Variants in LMBR1 observed in about 807,000 individuals in gnomAD.
The protein encoded by LMBR1 is limb region 1 protein homolog.
LMBR1 carries 52 observed loss-of-function variants against 73.9 expected under a neutral mutation model. The observed-to-expected ratio is 0.70, with a 90% confidence interval of 0.56 to 0.89. The LOEUF is 0.89. Among genes scored for constraint, LMBR1 ranks in the 40% least tolerant of loss-of-function variants. The pLI is 0.00. For missense variants in LMBR1, 539 were observed against 579.8 expected, an observed-to-expected ratio of 0.93 and a Z score of 0.72; for synonymous variants, 215 against 209.4, an observed-to-expected ratio of 1.03 and a Z score of -0.23.
chr7:156,817,039 A>G (rs1449926908), intron 4 of LMBR1, among the ~76,000 whole-genome samples: 1 of 152,176 alleles, frequency 6.6e-6, no homozygotes, highest in Non-Finnish European at 1.5e-5. Flanking sequence ...CCTATTTGAA[A>G]GATATCCAAT....
chr7:156,830,998 A>G (rs777531669), intron 3 of LMBR1, among the ~76,000 whole-genome samples: 11 of 152,228 alleles, frequency 7.2e-5, no homozygotes, highest in Non-Finnish European at 1.6e-4. Flanking sequence ...ATAATAAACT[A>G]AAGATGATAA....
intron 5 of LMBR1, among the ~76,000 whole-genome samples, chr7:156,780,913 G>T (rs1345788521): frequency 1.3e-5 from 2 of 152,178 alleles, no homozygotes; most frequent in Non-Finnish European, 2.9e-5. Flanking sequence ...ATGAGGAAGT[G>T]GGGGAGAATG....
chr7:156,774,516 G>A (rs1585705736), intron 5 of LMBR1, among the ~76,000 whole-genome samples: 1 of 152,186 alleles, frequency 6.6e-6, no homozygotes, highest in Non-Finnish European at 1.5e-5. Flanking sequence ...TATACACCAT[G>A]GAATACTATG....
downstream of LMBR1, among the ~76,000 whole-genome samples, chr7:156,677,378 TGG>T (rs1483867621): frequency 1.3e-5 from 2 of 152,106 alleles, no homozygotes; most frequent in African/African-American, 4.8e-5. Flanking sequence ...ATGTCAGCCA[TGG>T]GTGAGGCAGG....
intron 1 of LMBR1, among the ~76,000 whole-genome samples, chr7:156,840,407 G>A (rs929527982): frequency 1.1e-4 from 16 of 151,754 alleles, no homozygotes; most frequent in Admixed American, 3.3e-4. Context: ...CTAGAGGAAC[G>A]GGGGAGGATT....
rs1238608811 is a variant in LMBR1, at chr7:156,669,355, CAA to C, written n.867-70_867-69del. On this transcript the variant is annotated intron_variant and non_coding_transcript_variant, in intron 4 of 4. Coordinates refer to the LMBR1 transcript ENST00000430825. This position sits in a 1 kb window ranked among gnomAD's most constrained non-coding sequence, Gnocchi z 4.2. ...AGAATAAGTGCCAGGAAGAAAAATG[CAA>C]AGAGAGGAAGGGGAGAGAGAGTGAA... 17 of 152,064 alleles carry C rather than the reference CAA, an allele frequency of 1.1e-4. No homozygotes were observed. Among genetic ancestry groups the C allele is most frequent in the Admixed American group, 1.1e-3 (17 of 15,270 alleles). The allele number at this position is 152,064 out of a possible 1,614,324, so 9.4% of individuals were successfully genotyped here.
At chr7:156,768,468 A>T (rs987894740) in intron 5 of LMBR1, among the ~76,000 whole-genome samples, 1 of 152,246 alleles carries the variant, frequency 6.6e-6, no homozygotes, top group Non-Finnish European at 1.5e-5. Context: ...TTTTAAAAAT[A>T]AAAAATTCCT....
At chr7:156,699,175 C>CA (rs78005844) in intron 15 of LMBR1, among the ~76,000 whole-genome samples, 13,173 of 152,072 alleles carry the variant, frequency 0.087, 734 homozygotes, top group East Asian at 0.19. Flanking sequence ...CTACAGTAAC[C>CA]AAAACAGCAT....
chr7:156,831,434 C>A (rs891357863), intron 3 of LMBR1, among the ~76,000 whole-genome samples: 1 of 151,952 alleles, frequency 6.6e-6, no homozygotes, highest in African/African-American at 2.4e-5. Context: ...CCCAGATCAC[C>A]CTAACTCATC....
downstream of LMBR1, among the ~76,000 whole-genome samples, chr7:156,676,067 G>A (rs1803925019): frequency 6.6e-6 from 1 of 152,074 alleles, no homozygotes; most frequent in Non-Finnish European, 1.5e-5. Context: ...GTCAGTCCCG[G>A]GGTAACCGCT....
intron 1 of LMBR1, among the ~76,000 whole-genome samples, chr7:156,841,735 G>A (rs1038972881): frequency 6.6e-6 from 1 of 152,154 alleles, no homozygotes; most frequent in African/African-American, 2.4e-5. Flanking sequence ...TATCTTGATG[G>A]AGTAGTGGAG....
intron 4 of LMBR1, among the ~76,000 whole-genome samples, chr7:156,826,322 G>C (rs747862202): frequency 3.9e-5 from 6 of 152,094 alleles, no homozygotes; most frequent in Non-Finnish European, 7.4e-5. Flanking sequence ...TTCTGACATA[G>C]TCAGATAAAC....
At chr7:156,751,007 G>A (rs1242525972) in intron 9 of LMBR1, among the ~76,000 whole-genome samples, 1 of 152,144 alleles carries the variant, frequency 6.6e-6, no homozygotes, top group Non-Finnish European at 1.5e-5. Context: ...CTACTCAAGA[G>A]GCTAAAGGGG....
chr7:156,835,162 C>T (rs1023275220), intron 2 of LMBR1, among the ~76,000 whole-genome samples: 1 of 151,732 alleles, frequency 6.6e-6, no homozygotes, highest in Non-Finnish European at 1.5e-5. Flanking sequence ...AAAAGAATAC[C>T]ACAAACCCTC....
intron 4 of LMBR1, among the ~76,000 whole-genome samples, chr7:156,799,559 C>T (rs1185561094): frequency 7.1e-6 from 1 of 141,218 alleles, no homozygotes; most frequent in Non-Finnish European, 1.6e-5. Flanking sequence ...GCTGTTCCTT[C>T]ATCTCTCTCC....
chr7:156,692,681 G>C (rs963977457), intron 15 of LMBR1, among the ~76,000 whole-genome samples: 1 of 152,110 alleles, frequency 6.6e-6, no homozygotes, highest in African/African-American at 2.4e-5. Flanking sequence ...GCTGAGGAGA[G>C]CTCCAGCCAT....
At chr7:156,701,829 C>T (rs909500163) in intron 15 of LMBR1, among the ~76,000 whole-genome samples, 11 of 152,164 alleles carry the variant, frequency 7.2e-5, no homozygotes, top group African/African-American at 2.4e-4. Flanking sequence ...CTCCCTGTGT[C>T]CATGTATTCT....
At chr7:156,723,914 A>G (rs1815150949) in intron 15 of LMBR1, among the ~76,000 whole-genome samples, 198 bp downstream of exon 15, 2 of 152,330 alleles carry the variant, frequency 1.3e-5, no homozygotes, top group Admixed American at 6.5e-5. Flanking sequence ...TGTTTAAAAA[A>G]TAAGTAGTCA....
At chr7:156,778,925 G>A (rs1020616260) in intron 5 of LMBR1, among the ~76,000 whole-genome samples, 1 of 152,166 alleles carries the variant, frequency 6.6e-6, no homozygotes, top group East Asian at 1.9e-4. Flanking sequence ...AAAGCCCCGA[G>A]GGGAAGCTTC....
Sources: gnomAD v4.1 joint callset for allele counts (sites outside exome capture counted in the v4.1 genomes callset) on GRCh38, gnomAD v4.1.1 for gene constraint, Gnocchi (gnomAD v3.1) non-coding constraint, MANE v1.5 for transcripts, NCBI Gene and HGNC (gene_info 2026-07-23, HGNC 2026-07-21) for gene names.